Variants in GRID2 observed in about 807,000 individuals in gnomAD.
The protein encoded by GRID2 is glutamate receptor ionotropic, delta-2.
A neutral mutation model predicts 114.8 loss-of-function variants in GRID2; 33 were observed. That is an observed-to-expected ratio of 0.29 (90% confidence interval 0.22 to 0.38). GRID2 has a LOEUF of 0.38. Ranked by LOEUF, GRID2 falls within the 10% of genes least tolerant of loss-of-function variation. GRID2 has a pLI of 1.00. For synonymous variants in GRID2, 505 were observed against 449.9 expected (o/e 1.12, Z -1.55); for missense variants, 1,184 against 1,257.7 (o/e 0.94, Z 0.89).
chr4:93,067,453 T>G (rs1033335343), intron 2 of GRID2, among the ~76,000 whole-genome samples: 7 of 152,000 alleles, frequency 4.6e-5, no homozygotes, highest in African/African-American at 1.4e-4. Context: ...AGAAGGAAGC[T>G]CCATCAGGCC....
chr4:92,820,734 A>T (rs1248644903), intron 2 of GRID2, among the ~76,000 whole-genome samples: 1 of 152,118 alleles, frequency 6.6e-6, no homozygotes, highest in East Asian at 1.9e-4. Context: ...TTGATATTTC[A>T]GGCAACAGTG....
intron 14 of GRID2, among the ~76,000 whole-genome samples, chr4:93,727,732 G>T (rs1730069833): frequency 6.6e-6 from 1 of 152,136 alleles, no homozygotes; most frequent in Admixed American, 6.5e-5. Context: ...TATGTGTTGA[G>T]GAATTTATCC....
intron 1 of GRID2, among the ~76,000 whole-genome samples, chr4:92,329,942 GAA>G (rs928970679): frequency 2.7e-5 from 4 of 149,138 alleles, no homozygotes; most frequent in African/African-American, 4.9e-5. Context: ...GGAAAGGAGA[GAA>G]GAGAGAGAGG....
chr4:93,067,899 A>C (rs1728449070), intron 2 of GRID2, among the ~76,000 whole-genome samples: 1 of 152,026 alleles, frequency 6.6e-6, no homozygotes, highest in Non-Finnish European at 1.5e-5. Context: ...TTTGAACCTA[A>C]GTAATATTTA....
intron 2 of GRID2, among the ~76,000 whole-genome samples, chr4:92,695,672 A>G (rs182555554): frequency 5.0e-4 from 76 of 152,252 alleles, no homozygotes; most frequent in South Asian, 1.2e-3. Context: ...TACTGTATCT[A>G]TTACTTTTTG....
At chr4:93,178,521 G>A (rs1233910444) in intron 4 of GRID2, among the ~76,000 whole-genome samples, 3 of 147,656 alleles carry the variant, frequency 2.0e-5, no homozygotes, top group African/African-American at 7.5e-5. Context: ...TCAGCCTCCT[G>A]ACTAGCTGGA....
intron 9 of GRID2, among the ~76,000 whole-genome samples, chr4:93,407,867 C>G (rs1766687595): frequency 6.6e-6 from 1 of 150,920 alleles, no homozygotes; most frequent in African/African-American, 2.4e-5. Flanking sequence ...TTCTCCTTCT[C>G]CTCCTTCTTC....
intron 1 of GRID2, among the ~76,000 whole-genome samples, chr4:92,349,654 C>T (rs893970994): frequency 6.6e-6 from 1 of 151,208 alleles, no homozygotes; most frequent in Admixed American, 6.6e-5. Flanking sequence ...AGAAATTTAT[C>T]ATCTGTTATT....
chr4:92,877,535 A>G (rs550065400), intron 2 of GRID2, among the ~76,000 whole-genome samples: 1 of 152,272 alleles, frequency 6.6e-6, no homozygotes, highest in African/African-American at 2.4e-5. Context: ...GCCTTACTTC[A>G]CACACATTCT....
Position 92,873,403 on chromosome 4 carries a change from CT to C in GRID2, c.245-211583del, listed in dbSNP as rs148083891. On this transcript the variant is annotated intron_variant, in intron 2 of 15. Transcript: ENST00000282020. Reference sequence around the variant, plus strand: ...CCCAGCATTTTCATTCTAACTTCAACTTTTTTTTTAATATAACCACGATTAT... The same window carrying C: ...CCCAGCATTTTCATTCTAACTTCAACTTTTTTTTAATATAACCACGATTAT... 4.6e-5 allele frequency among the ~76,000 whole-genome samples: 7 copies of C among 150,840 alleles called. No homozygotes were observed. The East Asian group carries it at 1.2e-3, about 25-fold the overall frequency.
Position 93,042,086 on chromosome 4 carries a change from G to A in GRID2, c.245-42909G>A, listed in dbSNP as rs557032538. Among the ~76,000 whole-genome samples, 5 of 151,938 alleles carry A rather than the reference G, an allele frequency of 3.3e-5. No homozygotes were observed. The East Asian group carries it at 7.8e-4, about 24-fold the overall frequency. ...CCTGGCTAATTTTTTTGTATTTTTAGTAGAGACGGGGTTTCACCGTGTTAG... is the reference window on the plus strand; with the variant it reads ...CCTGGCTAATTTTTTTGTATTTTTAATAGAGACGGGGTTTCACCGTGTTAG... On this transcript the variant is annotated intron_variant, in intron 2 of 15. Coordinates refer to ENST00000282020, the MANE Select transcript of GRID2 (RefSeq NM_001510.4).
chr4:93,285,051 C>A (rs2149133874), intron 8 of GRID2, among the ~76,000 whole-genome samples: 1 of 152,114 alleles, frequency 6.6e-6, no homozygotes, highest in African/African-American at 2.4e-5. Context: ...CTCTCAATAT[C>A]TCATCTGACT....
chr4:92,901,501 T>G lies in GRID2; in HGVS notation c.245-183494T>G, dbSNP rs143577259. Among the ~76,000 whole-genome samples the G allele has an allele frequency of 2.5e-4, 38 of 152,304 alleles. No homozygotes were observed. In the East Asian group the frequency reaches 7.1e-3, roughly 29 times the overall value. ...GAGGCTTTTTAGTTTAATTCAGTCA[T>G]ATTTGTCTAGTTTTGTTTTGGTTTC... On this transcript the variant is annotated intron_variant, in intron 2 of 15. Coordinates refer to ENST00000282020, the MANE Select transcript of GRID2 (RefSeq NM_001510.4).
At chr4:93,447,449 G>T (rs569438358) in intron 10 of GRID2, among the ~76,000 whole-genome samples, 1 of 151,934 alleles carries the variant, frequency 6.6e-6, no homozygotes, top group African/African-American at 2.4e-5. Context: ...TTTGGAAAAT[G>T]AAATGCATAA....
intron 2 of GRID2, among the ~76,000 whole-genome samples, chr4:92,920,622 G>A (rs1330348069): frequency 1.6e-4 from 24 of 152,076 alleles, no homozygotes; most frequent in Admixed American, 1.6e-3. Flanking sequence ...AGTTTGGCTG[G>A]ATATGAAATT....
intron 14 of GRID2, among the ~76,000 whole-genome samples, chr4:93,631,463 G>T (rs1253255457): frequency 6.6e-6 from 1 of 152,136 alleles, no homozygotes; most frequent in Non-Finnish European, 1.5e-5. Context: ...AGAACATGCG[G>T]TGTTTGGTTT....
At chr4:92,778,799 A>G (rs1738927413) in intron 2 of GRID2, among the ~76,000 whole-genome samples, 1 of 152,060 alleles carries the variant, frequency 6.6e-6, no homozygotes, top group Non-Finnish European at 1.5e-5. Flanking sequence ...TCTAGTGCTT[A>G]TTAGTGGTAT....
intron 14 of GRID2, among the ~76,000 whole-genome samples, chr4:93,738,291 G>T (rs1476653337): frequency 6.6e-6 from 1 of 152,094 alleles, no homozygotes; most frequent in African/African-American, 2.4e-5. Flanking sequence ...TTTAGCAAGT[G>T]CAGTAGGAAT....
intron 1 of GRID2, among the ~76,000 whole-genome samples, chr4:92,354,157 C>G (rs1300121349): frequency 1.3e-5 from 2 of 151,990 alleles, no homozygotes; most frequent in African/African-American, 4.8e-5. Flanking sequence ...ACCAGCGTTC[C>G]TCACTGGGAA....
Sources: gnomAD v4.1 joint callset for allele counts (sites outside exome capture counted in the v4.1 genomes callset) on GRCh38, gnomAD v4.1.1 for gene constraint, MANE v1.5 for transcripts, NCBI Gene and HGNC (gene_info 2026-07-23, HGNC 2026-07-21) for gene names.